Variants in NCAM1 observed in about 807,000 individuals in gnomAD.
The protein encoded by NCAM1 is neural cell adhesion molecule 1.
Under a neutral mutation model 109.8 loss-of-function variants are expected in NCAM1, and 14 were observed. That is an observed-to-expected ratio of 0.13 (90% CI 0.08 to 0.20). The LOEUF is 0.20. Among genes scored for constraint, NCAM1 ranks in the 10% least tolerant of loss-of-function variants. The pLI is 1.00. For missense variants in NCAM1, 774 were observed against 1,109.9 expected (o/e 0.70, Z 4.30); for synonymous variants, 418 against 442.9 (o/e 0.94, Z 0.70).
intron 14 of NCAM1, 84 bp downstream of exon 14, chr11:113,235,248 A>G: frequency 6.2e-7 from 1 of 1,609,740 alleles, no homozygotes; most frequent in East Asian, 2.2e-5. Flanking sequence ...GGCCCATGTC[A>G]TTGTTCAGAC....
At chr11:113,043,633 G>A (rs1953156555) in intron 1 of NCAM1, among the ~76,000 whole-genome samples, 1 of 152,172 alleles carries the variant, frequency 6.6e-6, no homozygotes, top group East Asian at 1.9e-4. Flanking sequence ...ACAGTGCCTG[G>A]CCTGAAATCC....
chr11:113,030,072 G>A (rs1187930833), intron 1 of NCAM1, among the ~76,000 whole-genome samples: 4 of 152,120 alleles, frequency 2.6e-5, no homozygotes, highest in African/African-American at 9.7e-5. Context: ...ATAAAAAAAA[G>A]GGAGCACCAG....
At chr11:113,087,574 A>C (rs1939147557) in intron 1 of NCAM1, among the ~76,000 whole-genome samples, 1 of 152,104 alleles carries the variant, frequency 6.6e-6, no homozygotes, top group Middle Eastern at 3.4e-3. Flanking sequence ...CCCCAGAAAA[A>C]CCCTTCCTGA....
intron 1 of NCAM1, among the ~76,000 whole-genome samples, chr11:113,034,661 C>A (rs926073583): frequency 6.6e-6 from 1 of 152,056 alleles, no homozygotes; most frequent in African/African-American, 2.4e-5. Flanking sequence ...GGTGTAGGAT[C>A]GTACAGAAGA....
At chr11:113,264,222 T>C (rs1555123974) in intron 17 of NCAM1, 1 of 985,134 alleles carries the variant, frequency 1.0e-6, no homozygotes, top group East Asian at 1.1e-4. Flanking sequence ...TTTTGTTCTT[T>C]TTGGTTTCTT....
rs1331915918 is a variant in NCAM1, at chr11:113,276,066, A to G, written c.*679A>G. ...TCAGACTTCTTTTTCTTTCTTTTAC[A>G]TTCTTTTTTCTTTCTTTCTTTCTGC... On this transcript the variant is annotated 3_prime_UTR_variant, in exon 20 of 20. Transcript: ENST00000316851. The G allele has an allele frequency of 6.6e-6, 1 of 152,362 alleles. No individual in the cohort carries two copies. Among genetic ancestry groups the G allele is most frequent in the Non-Finnish European group, 1.5e-5 (1 of 67,984 alleles). The allele number at this position is 152,362 out of a possible 1,614,324, so 9.4% of individuals were successfully genotyped here.
intron 1 of NCAM1, chr11:112,977,509 A>G (rs988904066): frequency 3.6e-4 from 54 of 151,950 alleles, no homozygotes; most frequent in African/African-American, 1.3e-3. Flanking sequence ...ACTATTTAAA[A>G]ATGAAGTGCA....
intron 1 of NCAM1, among the ~76,000 whole-genome samples, chr11:113,142,830 G>A (rs1339536633): frequency 1.3e-5 from 2 of 152,076 alleles, no homozygotes; most frequent in African/African-American, 4.8e-5. Context: ...CAAATGATAC[G>A]TTAGTTATTT....
intron 1 of NCAM1, among the ~76,000 whole-genome samples, chr11:113,174,937 T>A (rs145134748): frequency 2.0e-5 from 3 of 152,236 alleles, no homozygotes; most frequent in Non-Finnish European, 4.4e-5. Flanking sequence ...GAATAGTCCT[T>A]TATATCTGCT....
At chr11:113,077,572 C>T (rs529879265) in intron 1 of NCAM1, among the ~76,000 whole-genome samples, 1 of 152,260 alleles carries the variant, frequency 6.6e-6, no homozygotes, top group East Asian at 1.9e-4. Flanking sequence ...TGGATGCCAG[C>T]CCAGCCCATA....
Position 113,273,487 on chromosome 11 carries a change from C to T in NCAM1, c.2456+1611C>T. On this transcript the variant is annotated intron_variant, in intron 19 of 19. Transcript: ENST00000316851. This position sits in a 1 kb window ranked among gnomAD's most constrained non-coding sequence, Gnocchi z 6.0. ...GACCCGGAGCCCACCCAGCCCGGAG[C>T]CGCGAAGAGCCCGGCCGAGGCAGCC... 1 of 338,512 alleles carries T rather than the reference C, an allele frequency of 3.0e-6. No homozygotes were observed. The allele number at this position is 338,512 out of a possible 1,614,324, so 21.0% of individuals were successfully genotyped here. A position where few individuals can be genotyped will look rare whatever the true frequency, so the allele number is the denominator to read the frequency against.
chr11:113,022,017 T>C (rs1555076347), intron 1 of NCAM1, among the ~76,000 whole-genome samples: 1 of 152,152 alleles, frequency 6.6e-6, no homozygotes. Context: ...AAATAGGAAT[T>C]ATATAGTCAA....
At chr11:112,961,934 G>A (rs2134403960) in intron 1 of NCAM1, among the ~76,000 whole-genome samples, 1 of 152,234 alleles carries the variant, frequency 6.6e-6, no homozygotes, top group Admixed American at 6.5e-5. Flanking sequence ...GCCCGCGGCG[G>A]TGGGAGCAGA....
At chr11:113,119,598 A>G (rs1940863286) in intron 1 of NCAM1, among the ~76,000 whole-genome samples, 1 of 152,132 alleles carries the variant, frequency 6.6e-6, no homozygotes, top group Admixed American at 6.5e-5. Flanking sequence ...ACAGGTTCCA[A>G]CCTTGGTGGA....
chr11:113,077,369 A>G (rs985162187), intron 1 of NCAM1, among the ~76,000 whole-genome samples: 3 of 152,210 alleles, frequency 2.0e-5, no homozygotes, highest in African/African-American at 4.8e-5. Context: ...AGTTCTTTCT[A>G]TAGGGCTTGG....
intron 1 of NCAM1, among the ~76,000 whole-genome samples, chr11:113,092,053 G>A (rs1163175255): frequency 5.9e-5 from 9 of 151,534 alleles, no homozygotes; most frequent in African/African-American, 2.2e-4. Flanking sequence ...AGTTTTCTGG[G>A]ACAGCCTTCC....
chr11:113,253,659 C>T (rs915238102), intron 15 of NCAM1, among the ~76,000 whole-genome samples: 1 of 151,970 alleles, frequency 6.6e-6, no homozygotes, highest in Non-Finnish European at 1.5e-5. Context: ...GCCAGGGAGG[C>T]CCCAGTGGAC....
intron 1 of NCAM1, among the ~76,000 whole-genome samples, chr11:112,992,742 C>T (rs537024728): frequency 2.6e-5 from 4 of 152,202 alleles, no homozygotes; most frequent in South Asian, 2.1e-4. Context: ...CTCCTGACCT[C>T]GTGATCCGCC....
chr11:113,170,141 C>A (rs562037711), intron 1 of NCAM1, among the ~76,000 whole-genome samples: 17 of 152,232 alleles, frequency 1.1e-4, no homozygotes, highest in African/African-American at 3.9e-4. Context: ...AGCCTGAAAC[C>A]AAAGAAGGCA....
Sources: gnomAD v4.1 joint callset for allele counts (sites outside exome capture counted in the v4.1 genomes callset) on GRCh38, gnomAD v4.1.1 for gene constraint, Gnocchi (gnomAD v3.1) non-coding constraint, MANE v1.5 for transcripts, NCBI Gene and HGNC (gene_info 2026-07-23, HGNC 2026-07-21) for gene names.